The following EXOC4 variants were observed in gnomAD, a reference collection of about 807,000 sequenced individuals.
The protein encoded by EXOC4 is SEC8-like 1.
In EXOC4, 71 loss-of-function variants were observed where a neutral mutation model predicts 107.2. The ratio of observed to expected loss-of-function variants is 0.66; its 90% CI spans 0.55 to 0.81. EXOC4 has a LOEUF of 0.81. EXOC4 is among the 30% of genes least tolerant of loss of function. The pLI is 0.00. For missense variants in EXOC4, 1,108 were observed against 1,189.6 expected (o/e 0.93, Z 1.01); for synonymous variants, 456 against 441.2 (o/e 1.03, Z -0.42).
chr7:133,787,559 G>C (rs978682626), intron 10 of EXOC4, among the ~76,000 whole-genome samples: 1 of 151,666 alleles, frequency 6.6e-6, no homozygotes, highest in Non-Finnish European at 1.5e-5. Flanking sequence ...AGATTGGGTG[G>C]CTTAAACAAC....
chr7:133,368,258 G>T (rs1796289088), intron 6 of EXOC4, among the ~76,000 whole-genome samples: 1 of 152,224 alleles, frequency 6.6e-6, no homozygotes, highest in African/African-American at 2.4e-5. Flanking sequence ...AGGAAAGAGA[G>T]AATTGGTTCT....
intron 9 of EXOC4, among the ~76,000 whole-genome samples, chr7:133,596,883 A>T (rs901251024): frequency 1.3e-5 from 2 of 152,184 alleles, no homozygotes; most frequent in Admixed American, 1.3e-4. Context: ...CCTTGCTTGT[A>T]TCTATTTATG....
intron 9 of EXOC4, among the ~76,000 whole-genome samples, chr7:133,596,866 T>A (rs1346711138): frequency 6.6e-6 from 1 of 152,168 alleles, no homozygotes; most frequent in Non-Finnish European, 1.5e-5. Context: ...TTAGCCTGAA[T>A]TGTAGACCTT....
intron 7 of EXOC4, among the ~76,000 whole-genome samples, chr7:133,394,806 C>A (rs1445061850): frequency 6.6e-6 from 1 of 151,880 alleles, no homozygotes; most frequent in Non-Finnish European, 1.5e-5. Flanking sequence ...TAATTTCAAG[C>A]TTCAAGTGAA....
chr7:133,619,142 A>G (rs1189745334), intron 9 of EXOC4, among the ~76,000 whole-genome samples: 1 of 152,178 alleles, frequency 6.6e-6, no homozygotes, highest in African/African-American at 2.4e-5. Context: ...TCATGAAATA[A>G]TGCTGTTTCT....
Position 133,253,494 on chromosome 7 carries a change from G to T in EXOC4, c.86+307G>T, listed in dbSNP as rs1400160894. ...TTGGTAGAGAAAACCAGGTGTAAAGGTGTGTTTATTGATTCCTAAAATGCT... is the reference window on the plus strand; with the variant it reads ...TTGGTAGAGAAAACCAGGTGTAAAGTTGTGTTTATTGATTCCTAAAATGCT... On this transcript the variant is annotated intron_variant, in intron 1 of 17. Coordinates refer to ENST00000253861, the MANE Select transcript of EXOC4 (RefSeq NM_021807.4). The T allele has an allele frequency of 3.6e-6, 4 of 1,107,156 alleles. No homozygotes were observed. The East Asian group carries it at 1.6e-4, about 45-fold the overall frequency. 68.6% of individuals were successfully genotyped at this position (1,107,156 alleles called of 1,614,324 possible).
chr7:133,641,136 G>GAAGC (rs776829277), intron 10 of EXOC4, among the ~76,000 whole-genome samples: 30 of 152,190 alleles, frequency 2.0e-4, no homozygotes, highest in Non-Finnish European at 2.5e-4. Flanking sequence ...ATTATCACAG[G>GAAGC]AAGCCATGAG....
At chr7:133,915,194 G>A (rs1445917105) in intron 12 of EXOC4, among the ~76,000 whole-genome samples, 1 of 152,182 alleles carries the variant, frequency 6.6e-6, no homozygotes, top group Non-Finnish European at 1.5e-5. Context: ...GCCTTTGAAG[G>A]AGAGGGAGCA....
At chr7:133,531,865 G>A (rs899024837) in intron 9 of EXOC4, among the ~76,000 whole-genome samples, 2 of 151,968 alleles carry the variant, frequency 1.3e-5, no homozygotes, top group East Asian at 1.9e-4. Flanking sequence ...TGAATATCCC[G>A]TATCCAAAAT....
chr7:133,561,876 A>G (rs1418869186), intron 9 of EXOC4, among the ~76,000 whole-genome samples: 1 of 152,250 alleles, frequency 6.6e-6, no homozygotes, highest in African/African-American at 2.4e-5. Flanking sequence ...AACTGCCGAA[A>G]TAGGCTCCTG....
At chr7:133,898,740 T>C (rs746661110) in intron 12 of EXOC4, among the ~76,000 whole-genome samples, 77 of 93,454 alleles carry the variant, frequency 8.2e-4, no homozygotes, top group Non-Finnish European at 1.2e-3. Flanking sequence ...AGCAAGACTC[T>C]GTCTCAAAAA....
At position 133,802,347 on chromosome 7, in the gene EXOC4, T is replaced by C. The variant is rs1243812812; in HGVS notation, c.1515-14978T>C. Among the ~76,000 whole-genome samples, 4 of 152,374 alleles carry C rather than the reference T, an allele frequency of 2.6e-5. No homozygotes were observed. The South Asian group carries it at 8.3e-4, about 32-fold the overall frequency. On this transcript the variant is annotated intron_variant, in intron 10 of 17. Transcript: ENST00000253861. ...CTTTTGTAAGTGCTAACATGCACTA[T>C]AGATATGAACAATAATCATGCATCC...
At chr7:134,091,931 T>C in the EXOC4 span, among the ~76,000 whole-genome samples, 2 of 152,236 alleles carry the variant, frequency 1.3e-5, no homozygotes, top group Non-Finnish European at 2.9e-5. Context: ...CCTTCAGCTG[T>C]ATATGAAACA....
intron 6 of EXOC4, among the ~76,000 whole-genome samples, chr7:133,370,737 A>C (rs988554219): frequency 1.3e-5 from 2 of 152,186 alleles, no homozygotes; most frequent in Admixed American, 1.3e-4. Flanking sequence ...TTCACACAGG[A>C]AAGGTAACCA....
intron 9 of EXOC4, among the ~76,000 whole-genome samples, chr7:133,530,154 T>C (rs578141377): frequency 6.6e-6 from 1 of 152,318 alleles, no homozygotes; most frequent in Non-Finnish European, 1.5e-5. Context: ...TGCCGAGGAA[T>C]GGCAGTTTAA....
At chr7:133,442,944 C>A (rs1182562701) in intron 7 of EXOC4, among the ~76,000 whole-genome samples, 1 of 152,112 alleles carries the variant, frequency 6.6e-6, no homozygotes, top group African/African-American at 2.4e-5. Context: ...ATAAGGTTGA[C>A]CTGTGAAAGA....
intron 17 of EXOC4, among the ~76,000 whole-genome samples, chr7:134,039,730 C>T (rs1444640406): frequency 3.3e-5 from 5 of 152,120 alleles, no homozygotes; most frequent in African/African-American, 1.2e-4. Flanking sequence ...ACATGCAAAG[C>T]TCATCATCTT....
At chr7:133,911,966 A>T (rs1799706001) in intron 12 of EXOC4, among the ~76,000 whole-genome samples, 1 of 152,196 alleles carries the variant, frequency 6.6e-6, no homozygotes, top group Non-Finnish European at 1.5e-5. Flanking sequence ...AATCTCCCAC[A>T]GCCAAGATTC....
chr7:133,973,680 G>A (rs1466696587), intron 14 of EXOC4, among the ~76,000 whole-genome samples: 1 of 152,198 alleles, frequency 6.6e-6, no homozygotes, highest in Non-Finnish European at 1.5e-5. Context: ...AGAATACAGG[G>A]TAATGAATTG....
Sources: gnomAD v4.1 joint callset for allele counts (sites outside exome capture counted in the v4.1 genomes callset) on GRCh38, gnomAD v4.1.1 for gene constraint, MANE v1.5 for transcripts, NCBI Gene and HGNC (gene_info 2026-07-23, HGNC 2026-07-21) for gene names.